The following ALG8 variants were observed in gnomAD, a reference collection of about 807,000 sequenced individuals.
ALG8 encodes the protein ALG8 alpha-1,3-glucosyltransferase, also known as dolichyl pyrophosphate Glc1Man9GlcNAc2 alpha-1,3-glucosyltransferase.
A neutral mutation model predicts 70.2 loss-of-function variants in ALG8; 48 were observed. The ratio of observed to expected loss-of-function variants is 0.68; its 90% CI spans 0.54 to 0.87. The LOEUF (loss-of-function observed/expected upper bound fraction) is 0.87, where lower values mean the gene tolerates loss of function less well. ALG8 is among the 40% of genes least tolerant of loss of function. The pLI is 0.00. For synonymous variants in ALG8, 234 were observed against 229.0 expected (o/e 1.02, Z -0.20); for missense variants, 572 against 608.7 (o/e 0.94, Z 0.64).
chr11:78,109,508 GAACTGCTGAACCA>G lies in ALG8; in HGVS notation c.959_971del (p.Leu320SerfsTer9), dbSNP rs1565347356. On this transcript the variant is annotated frameshift_variant, in exon 9 of 13. Transcript: ENST00000299626. LOFTEE classifies it high-confidence loss of function. ...TCACTGAGGGAAGGACTGTGTGTTG[GAACTGCTGAACCA>G]AACCACTTGTCATTGAGGCCTTGGG... 6.2e-7 allele frequency: 1 copy of G among 1,614,140 alleles called. No individual in the cohort carries two copies. The highest frequency in any genetic ancestry group is 1.7e-5 in the Admixed American group (1 of 60,018).
At chr11:78,138,466 A>T (rs1861644229) in intron 1 of ALG8, among the ~76,000 whole-genome samples, 1 of 152,214 alleles carries the variant, frequency 6.6e-6, no homozygotes. Context: ...CATTTTACTG[A>T]ATCTACATAT....
Position 78,114,714 on chromosome 11 carries a change from C to T in ALG8, c.547-322G>A, listed in dbSNP as rs145685301. ...AGTGTGGTGACTCACACCTGCAATC[C>T]CAGCACTTTGGTAAGCCGACGTGGA... is the stretch of plus-strand genomic sequence containing the variant. On this transcript the variant is annotated intron_variant, in intron 5 of 12. Coordinates refer to ENST00000299626, the MANE Select transcript of ALG8 (RefSeq NM_024079.5). 1,819 of 440,642 alleles carry T rather than the reference C, an allele frequency of 4.1e-3. 27 individuals carry two copies. Among genetic ancestry groups the T allele is most frequent in the African/African-American group, 0.033 (1,625 of 49,172 alleles). The allele number at this position is 440,642 out of a possible 1,614,324, so 27.3% of individuals were successfully genotyped here. A position where few individuals can be genotyped will look rare whatever the true frequency, so the allele number is the denominator to read the frequency against.
At chr11:78,127,550 G>A (rs1861132691) in intron 1 of ALG8, 114 bp from the exon 2 acceptor site, 1 of 870,596 alleles carries the variant, frequency 1.1e-6, no homozygotes, top group Non-Finnish European at 1.9e-6. Context: ...ACAGCTCACT[G>A]TCCTATAGAG....
At chr11:78,119,128 CAATCTAAAAACT>C in intron 5 of ALG8, 42 bp downstream of exon 5, 2 of 1,411,684 alleles carry the variant, frequency 1.4e-6, no homozygotes, top group South Asian at 2.3e-5. Flanking sequence ...GTTCCCTTTA[CAATCTAAAAACT>C]AATCTAAAAG....
rs541273577 is a variant in ALG8, at chr11:78,104,000, C to T, written c.1329G>A (p.Ser443=). ...ATTACCTGAATAAAGTCTTCAGTGA[C>T]GAAATACTATATATGGTGAATAGTA... ...LMLLFTIYSI[S]SLKTLFRKEK... is the part of the protein sequence containing the mutation. Residue 443 remains serine (S), a synonymous_variant, in exon 12 of 13, where the codon TCG becomes TCA. Coordinates refer to ENST00000299626, the MANE Select transcript of ALG8 (RefSeq NM_024079.5). The T allele has an allele frequency of 2.7e-5, 41 of 1,493,296 alleles. No individual in the cohort carries two copies. Among genetic ancestry groups the T allele is most frequent in the African/African-American group, 1.2e-4 (9 of 72,286 alleles). 92.5% of individuals were successfully genotyped at this position (1,493,296 alleles called of 1,614,324 possible). A position where few individuals can be genotyped will look rare whatever the true frequency, so the allele number is the denominator to read the frequency against.
At chr11:78,126,095 C>T (rs1590833028) in intron 2 of ALG8, among the ~76,000 whole-genome samples, 1 of 149,424 alleles carries the variant, frequency 6.7e-6, no homozygotes, top group South Asian at 2.1e-4. Flanking sequence ...GGAGGCGGAG[C>T]TTGCAGTGAG....
At chr11:78,120,588 C>T (rs1860777306) in intron 4 of ALG8, among the ~76,000 whole-genome samples, 1 of 152,150 alleles carries the variant, frequency 6.6e-6, no homozygotes, top group Non-Finnish European at 1.5e-5. Flanking sequence ...ATGAAAACTG[C>T]AACTATTAGT....
chr11:78,114,262 T>G lies in ALG8; in HGVS notation c.673+4A>C, dbSNP rs1470636347. 2 of 1,614,082 alleles carry G rather than the reference T, an allele frequency of 1.2e-6. No homozygotes were observed. The highest frequency in any genetic ancestry group is 1.1e-5 in the South Asian group (1 of 91,078). On this transcript the variant is annotated splice_donor_region_variant and intron_variant, in intron 6 of 12. Transcript: ENST00000299626. Reference sequence around the variant, plus strand: ...ATGTTTTTGCTATTATTACCAAAACTTGCCTGGTTTATTTGCAGTGAAACA... The same window carrying G: ...ATGTTTTTGCTATTATTACCAAAACGTGCCTGGTTTATTTGCAGTGAAACA...
chr11:78,110,295 G>T (rs1271277846), intron 8 of ALG8, among the ~76,000 whole-genome samples: 1 of 152,074 alleles, frequency 6.6e-6, no homozygotes, highest in Admixed American at 6.5e-5. Context: ...AGGTTCCAGC[G>T]ATTCTCCTGC....
chr11:78,112,874 G>A (rs868157190), intron 7 of ALG8, 104 bp from the exon 8 acceptor site: 5 of 1,419,708 alleles, frequency 3.5e-6, no homozygotes, highest in African/African-American at 1.4e-5. Context: ...GAAAGTTATG[G>A]GGTCTGGGTT....
intron 5 of ALG8, among the ~76,000 whole-genome samples, chr11:78,117,709 T>C (rs192187796): frequency 6.6e-6 from 1 of 151,248 alleles, no homozygotes; most frequent in East Asian, 1.9e-4. Context: ...GCCCAGGAGT[T>C]TGAGGAGGCA....
chr11:78,119,228 C>G lies in ALG8; in HGVS notation c.500G>C (p.Gly167Ala), dbSNP rs1204904995. The stretch of plus-strand genomic sequence containing the variant: ...GAGTAGCATTAATCCAAATAAAAAG[C>G]CATTGTACTGAAAATGAATATCTGG... ...IVDHIHFQYN[G>A]FLFGLMLLSI... The change falls in exon 5 of 13, where the codon GGC becomes GCC. Residue 167 changes from glycine to alanine, a missense_variant. Gly to Ala is a moderately conservative substitution (Grantham distance 60). Coordinates refer to ENST00000299626, the MANE Select transcript of ALG8 (RefSeq NM_024079.5). 1.3e-5 allele frequency: 21 copies of G among 1,611,604 alleles called. No homozygotes were observed. The highest frequency in any genetic ancestry group is 1.7e-5 in the Non-Finnish European group (20 of 1,178,190).
At position 78,112,874 on chromosome 11, in the gene ALG8, G is replaced by C. The variant is rs868157190; in HGVS notation, c.778-104C>G. ...ATGGTATAGTGTGTAGAAAGTTATG[G>C]GGTCTGGGTTCTAGTAAGTAAGTGG... On this transcript the variant is annotated intron_variant, in intron 7 of 12. Transcript: ENST00000299626. The C allele has an allele frequency of 7.0e-6, 10 of 1,419,708 alleles. No homozygotes were observed. In the African/African-American group the frequency reaches 1.0e-4, roughly 14 times the overall value. The allele number at this position is 1,419,708 out of a possible 1,614,324, so 87.9% of individuals were successfully genotyped here.
intron 12 of ALG8, 43 bp from the exon 13 acceptor site, chr11:78,101,238 T>C: frequency 6.6e-7 from 1 of 1,525,838 alleles, no homozygotes; most frequent in Non-Finnish European, 9.0e-7. Flanking sequence ...AGATGAGTCA[T>C]CCTGGTTTAG....
intron 12 of ALG8, among the ~76,000 whole-genome samples, chr11:78,102,385 G>C (rs946429654): frequency 1.3e-5 from 2 of 152,064 alleles, no homozygotes; most frequent in African/African-American, 4.8e-5. Flanking sequence ...GCATGTATTG[G>C]AACTTCATTC....
At chr11:78,102,501 A>G (rs1411813495) in intron 12 of ALG8, among the ~76,000 whole-genome samples, 1 of 152,214 alleles carries the variant, frequency 6.6e-6, no homozygotes, top group East Asian at 1.9e-4. Flanking sequence ...GAATAATGCT[A>G]CAATGAATAC....
intron 5 of ALG8, among the ~76,000 whole-genome samples, chr11:78,116,125 C>T (rs1017299502): frequency 1.3e-5 from 2 of 151,674 alleles, no homozygotes; most frequent in African/African-American, 2.4e-5. Context: ...TTTGGGAGAC[C>T]GAGGCGGGTG....
At chr11:78,104,310 A>C in intron 11 of ALG8, 46 bp downstream of exon 11, 1 of 1,489,722 alleles carries the variant, frequency 6.7e-7, no homozygotes, top group Non-Finnish European at 9.0e-7. Flanking sequence ...CCTCGATGAA[A>C]AGGTTGTGAT....
Position 78,131,534 on chromosome 11 carries a change from T to C in ALG8, c.96-4098A>G, listed in dbSNP as rs1036049397. Among the ~76,000 whole-genome samples, 12 of 152,304 alleles carry C rather than the reference T, an allele frequency of 7.9e-5. No homozygotes were observed. In the South Asian group the frequency reaches 2.1e-3, roughly 26 times the overall value. On this transcript the variant is annotated intron_variant, in intron 1 of 12. Coordinates refer to ENST00000299626, the MANE Select transcript of ALG8 (RefSeq NM_024079.5). ...CAGAGGACGGCTTGAGCCCAGGAATTTGAGGCTGCAGTGAGCTATGACTGT... is the reference window on the plus strand; with the variant it reads ...CAGAGGACGGCTTGAGCCCAGGAATCTGAGGCTGCAGTGAGCTATGACTGT...
Sources: allele counts gnomAD v4.1 joint callset (sites outside exome capture counted in the v4.1 genomes callset), GRCh38; gene constraint gnomAD v4.1.1; transcripts MANE v1.5; gene names NCBI Gene and HGNC (gene_info 2026-07-23, HGNC 2026-07-21).